The following PLCH2 variants were observed in gnomAD, a reference collection of about 807,000 sequenced individuals.
PLCH2 encodes 1-phosphatidylinositol 4,5-bisphosphate phosphodiesterase eta-2.
A neutral mutation model predicts 134.7 loss-of-function variants in PLCH2; 98 were observed. The observed-to-expected ratio is 0.73, with a 90% CI of 0.62 to 0.86. The LOEUF is 0.86. Among genes scored for constraint, PLCH2 ranks in the 40% least tolerant of loss-of-function variants. The pLI is 0.00. For synonymous variants in PLCH2, 974 were observed against 827.5 expected, an observed-to-expected ratio of 1.18 and a Z score of -3.04; for missense variants, 1,994 against 1,986.6, an observed-to-expected ratio of 1.00 and a Z score of -0.07.
At chr1:2,445,444 G>A (rs1389957312) in intron 2 of PLCH2, among the ~76,000 whole-genome samples, 1 of 152,198 alleles carries the variant, frequency 6.6e-6, no homozygotes, top group Non-Finnish European at 1.5e-5. Context: ...GCTGGACAGT[G>A]TGTAGAAGAC....
chr1:2,450,958 T>C (rs1373131980), intron 2 of PLCH2, among the ~76,000 whole-genome samples: 1 of 151,002 alleles, frequency 6.6e-6, no homozygotes, highest in Non-Finnish European at 1.5e-5. Context: ...AGGTGACTTG[T>C]AGAGAAGGAG....
intron 1 of PLCH2, among the ~76,000 whole-genome samples, chr1:2,468,997 G>T (rs1641200930): frequency 1.3e-5 from 2 of 152,040 alleles, no homozygotes; most frequent in South Asian, 4.1e-4. Flanking sequence ...TCTCTGAATG[G>T]AGAATAGTGT....
At chr1:2,445,320 C>T (rs942345763) in intron 2 of PLCH2, among the ~76,000 whole-genome samples, 3 of 152,012 alleles carry the variant, frequency 2.0e-5, no homozygotes, top group African/African-American at 4.8e-5. Context: ...CTCGTCTGGA[C>T]GAGGCAGGGA....
upstream of PLCH2, among the ~76,000 whole-genome samples, chr1:2,473,727 C>A (rs1294878775): frequency 6.6e-6 from 1 of 152,236 alleles, no homozygotes; most frequent in African/African-American, 2.4e-5. Flanking sequence ...GTCCCGGGGT[C>A]AGGCAGTGCT....
intron 11 of PLCH2, among the ~76,000 whole-genome samples, 174 bp from the exon 12 acceptor site, chr1:2,494,682 G>A (rs1570464886): frequency 6.6e-6 from 1 of 152,086 alleles, no homozygotes; most frequent in Non-Finnish European, 1.5e-5. Flanking sequence ...CGGCTGCCAC[G>A]GGGGCTCCCC....
At chr1:2,466,805 G>A (rs1181908579), upstream of PLCH2, among the ~76,000 whole-genome samples, 1 of 152,214 alleles carries the variant, frequency 6.6e-6, no homozygotes, top group Non-Finnish European at 1.5e-5. Context: ...AGAGGGAGAG[G>A]ACCCCAGCGC....
the PLCH2 span, among the ~76,000 whole-genome samples, chr1:2,420,440 C>T: frequency 0.2 from 30,183 of 152,046 alleles, 3,410 homozygotes; most frequent in Admixed American, 0.3. Context: ...GGCGGGGTTG[C>T]GGATCCACAG....
Position 2,503,904 on chromosome 1 carries a change from T to TCCCCCCCCCCCCCC in PLCH2, c.2960-13_2960-12insCCCCCCCCCCCCCC. ...GCTTCTCCCTCTGGCTCTCTCTCACTCCCCCACCTCCCCACAGACACCCGC... is the reference window on the plus strand; with the variant it reads ...GCTTCTCCCTCTGGCTCTCTCTCACTCCCCCCCCCCCCCCCCCCCACCTCCCCACAGACACCCGC... On this transcript the variant is annotated splice_polypyrimidine_tract_variant and intron_variant, in intron 21 of 21. Transcript: ENST00000378486. The TCCCCCCCCCCCCCC allele has an allele frequency of 2.9e-6, 2 of 694,062 alleles. No individual in the cohort carries two copies. Among genetic ancestry groups the TCCCCCCCCCCCCCC allele is most frequent in the South Asian group, 1.6e-5 (1 of 61,838 alleles). The allele number at this position is 694,062 out of a possible 1,614,324, so 43.0% of individuals were successfully genotyped here.
intron 2 of PLCH2, among the ~76,000 whole-genome samples, chr1:2,460,515 C>T (rs1481803994): frequency 2.0e-5 from 3 of 152,364 alleles, no homozygotes; most frequent in South Asian, 2.1e-4. Context: ...GCCTGAGAAC[C>T]GAGTCTGAGG....
chr1:2,496,697 G>C lies in PLCH2; in HGVS notation c.1926G>C (p.Glu642Asp), dbSNP rs766471900. 1.9e-6 allele frequency: 3 copies of C among 1,611,868 alleles called. No individual in the cohort carries two copies. In the South Asian group the frequency reaches 3.3e-5, roughly 18 times the overall value. Residue 642 changes from glutamate (E) to aspartate (D), a missense_variant, in exon 14 of 22, where the codon GAG becomes GAC. Coordinates refer to ENST00000378486, the MANE Select transcript of PLCH2 (RefSeq NM_014638.4). The stretch of plus-strand genomic sequence containing the variant: ...AGTCCGTGGCCACCCACGACATAGA[G>C]ATGGAGGGTGAGTGGCTCGGGGACC... ...YTKSVATHDI[E>D]MEAASSWQVS...
At chr1:2,460,720 G>A (rs958444753) in intron 2 of PLCH2, among the ~76,000 whole-genome samples, 2 of 152,184 alleles carry the variant, frequency 1.3e-5, no homozygotes, top group Non-Finnish European at 2.9e-5. Context: ...GGTCCTGGGG[G>A]TGGGGACTGG....
At chr1:2,491,397 G>C in intron 11 of PLCH2, 62 bp downstream of exon 11, 1 of 1,559,500 alleles carries the variant, frequency 6.4e-7, no homozygotes, top group Non-Finnish European at 8.7e-7. Flanking sequence ...CAGCCTGTGG[G>C]CCAGCCAGGG....
At position 2,504,009 on chromosome 1, in the gene PLCH2, C is replaced by T; in HGVS notation, c.3047C>T (p.Pro1016Leu). The change falls in exon 22 of 22, where the codon CCC (proline) becomes CTC (leucine). Residue 1016 changes from proline to leucine, a missense_variant. Pro to Leu is a moderately conservative substitution (Grantham distance 98). This residue lies in a region of PLCH2 where 900 missense variants were observed against 752.3 expected (regional missense o/e 1.20). Coordinates refer to ENST00000378486, the MANE Select transcript of PLCH2 (RefSeq NM_014638.4). ...IAEEPAPGPG[P>L]PPPAAVPTSS... ...GAGGAGCCCGCCCCAGGCCCTGGTC[C>T]CCCGCCACCAGCGGCTGTCCCCACC... The T allele has an allele frequency of 5.2e-6, 8 of 1,526,366 alleles. No individual in the cohort carries two copies. Among genetic ancestry groups the T allele is most frequent in the Admixed American group, 2.0e-5 (1 of 50,748 alleles). The allele number at this position is 1,526,366 out of a possible 1,614,324, so 94.6% of individuals were successfully genotyped here. A position where few individuals can be genotyped will look rare whatever the true frequency, so the allele number is the denominator to read the frequency against.
intron 4 of PLCH2, among the ~76,000 whole-genome samples, chr1:2,481,184 C>T (rs1230285068): frequency 6.6e-6 from 1 of 152,278 alleles, no homozygotes; most frequent in Non-Finnish European, 1.5e-5. Context: ...CAGCTGCTGC[C>T]TGTTCTCACT....
rs755652868 is a variant in PLCH2 at position 2,491,180 on chromosome 1, T to C, written c.1516-12T>C. On this transcript the variant is annotated splice_polypyrimidine_tract_variant and intron_variant, in intron 10 of 21. Coordinates refer to ENST00000378486, the MANE Select transcript of PLCH2 (RefSeq NM_014638.4). ...GGACAGATGCCAACAGGCCGGCCTC[T>C]GGCTCCTGCAGGCATCCACCAATCG... The C allele has an allele frequency of 6.2e-7, 1 of 1,609,536 alleles. No individual in the cohort carries two copies. The highest frequency in any genetic ancestry group is 8.5e-7 in the Non-Finnish European group (1 of 1,178,150).
rs1319947275 is a variant in PLCH2 at position 2,502,289 on chromosome 1, C to T, written c.2839C>T (p.Leu947=). The change falls in exon 21 of 22, where the codon CTG becomes TTG. Residue 947 remains leucine (L), a synonymous_variant. Coordinates refer to ENST00000378486, the MANE Select transcript of PLCH2 (RefSeq NM_014638.4). ...QKPGRRGFPE[L]VLGTRDTGSK... ...GCCGGGCCGCAGGGGCTTCCCGGAGCTGGTCCTGGGTACACGGGACACAGG... is the reference window on the plus strand; with the variant it reads ...GCCGGGCCGCAGGGGCTTCCCGGAGTTGGTCCTGGGTACACGGGACACAGG... 5 of 1,538,032 alleles carry T rather than the reference C, an allele frequency of 3.3e-6. No homozygotes were observed. Among genetic ancestry groups the T allele is most frequent in the Admixed American group, 2.0e-5 (1 of 49,738 alleles).
At chr1:2,425,671 G>A (rs1297844778), upstream of PLCH2, among the ~76,000 whole-genome samples, 2 of 151,430 alleles carry the variant, frequency 1.3e-5, no homozygotes, top group Non-Finnish European at 2.9e-5. Context: ...GTACCACCGC[G>A]CCTGGCTAAT....
intron 2 of PLCH2, among the ~76,000 whole-genome samples, chr1:2,458,106 T>C (rs1640587856): frequency 6.6e-6 from 1 of 151,936 alleles, no homozygotes; most frequent in Admixed American, 6.6e-5. Flanking sequence ...GCCGTCACTG[T>C]GGGCACCCAG....
At chr1:2,438,362 C>T (rs1282080975) in intron 2 of PLCH2, among the ~76,000 whole-genome samples, 1 of 152,186 alleles carries the variant, frequency 6.6e-6, no homozygotes, top group Non-Finnish European at 1.5e-5. Flanking sequence ...CCTTGGCACC[C>T]CTGGGGCATG....
Sources: allele counts gnomAD v4.1 joint callset (sites outside exome capture counted in the v4.1 genomes callset), GRCh38; gene constraint gnomAD v4.1.1; regional missense constraint gnomAD v4.1.1; transcripts MANE v1.5; gene names NCBI Gene and HGNC (gene_info 2026-07-23, HGNC 2026-07-21).